Variants in ANO7 observed in about 807,000 individuals in gnomAD.
ANO7 encodes the protein anoctamin 7.
In ANO7, 114 loss-of-function variants were observed where a neutral mutation model predicts 115.8. That is an observed-to-expected ratio of 0.98 (90% CI 0.85 to 1.15). ANO7 has a LOEUF of 1.15. ANO7 is among the 50% of genes most tolerant of loss of function. The pLI is 0.00. For synonymous variants in ANO7, 550 were observed against 498.2 expected, an observed-to-expected ratio of 1.10 and a Z score of -1.38; for missense variants, 1,302 against 1,201.2, an observed-to-expected ratio of 1.08 and a Z score of -1.24.
At chr2:241,196,315 T>A in intron 4 of ANO7, 1 of 416,548 alleles carries the variant, frequency 2.4e-6, no homozygotes, top group Non-Finnish European at 3.3e-6. Context: ...GAACTAGGCG[T>A]GAGGATGCTG....
At chr2:241,216,677 CACCTT>C (rs768322588) in intron 19 of ANO7, among the ~76,000 whole-genome samples, 67 of 152,348 alleles carry the variant, frequency 4.4e-4, no homozygotes, top group Admixed American at 1.2e-3. Context: ...CTACCACTGT[CACCTT>C]ACCAGGTGGT....
In ANO7 at chr2:241,188,825, G is replaced by A. The variant is rs1032434734; in HGVS notation, c.-8+59G>A. 1 of 1,572,800 alleles carries A rather than the reference G, an allele frequency of 6.4e-7. No homozygotes were observed. The highest frequency in any genetic ancestry group is 1.4e-5 in the African/African-American group (1 of 73,840). ...GAGAAGGTGGAGCGTTGGACTCTAG[G>A]GAGGCAGGGCGGCACCCCAGCCCAC... On this transcript the variant is annotated intron_variant, in intron 1 of 24. Transcript: ENST00000674324. This position sits in a 1 kb window ranked among gnomAD's most constrained non-coding sequence, Gnocchi z 4.3.
chr2:241,223,518 C>G, intron 22 of ANO7, 144 bp from the exon 23 acceptor site: 1 of 1,339,400 alleles, frequency 7.5e-7, no homozygotes, highest in Non-Finnish European at 1.0e-6. Flanking sequence ...GTGGCCTCTG[C>G]CCCTTCTGGG....
chr2:241,207,743 C>G, intron 11 of ANO7, 73 bp downstream of exon 11: 1 of 1,341,976 alleles, frequency 7.5e-7, no homozygotes, highest in Non-Finnish European at 1.1e-6. Context: ...TTGTCCTGGT[C>G]CTGACTCTGC....
rs1444363457 is a variant in ANO7, at chr2:241,223,903, A to G, written c.2533-2A>G. The G allele has an allele frequency of 6.2e-6, 10 of 1,613,688 alleles. No individual in the cohort carries two copies. The highest frequency in any genetic ancestry group is 4.2e-6 in the Non-Finnish European group (5 of 1,179,972). ...CCTCTTGCTGCCCTTTTTTGGGGAC[A>G]GGTTCTTTTTGGAACGAACGGAACA... On this transcript the variant is annotated splice_acceptor_variant, in intron 23 of 24. Transcript: ENST00000674324. LOFTEE classifies it high-confidence loss of function.
chr2:241,191,283 G>A (rs377248642), intron 3 of ANO7, 32 bp downstream of exon 3: 15 of 1,611,498 alleles, frequency 9.3e-6, no homozygotes, highest in Admixed American at 5.0e-5. Context: ...TACCACACCC[G>A]TGTTGGTCCT....
chr2:241,229,444 A>G (rs1037053111), downstream of ANO7: 4 of 602,604 alleles, frequency 6.6e-6, no homozygotes, highest in South Asian at 3.9e-5. Flanking sequence ...GAGCGGCCGC[A>G]CACACAGCCA....
chr2:241,210,154 G>GA, intron 13 of ANO7, 141 bp from the exon 14 acceptor site: 1 of 775,512 alleles, frequency 1.3e-6, no homozygotes, highest in Non-Finnish European at 2.2e-6. Context: ...AGCACAGCCG[G>GA]GGCTGGAGGC....
downstream of ANO7, chr2:241,230,751 C>T (rs202062037): frequency 2.4e-5 from 38 of 1,612,924 alleles, no homozygotes; most frequent in Middle Eastern, 3.3e-4. This position sits in a 1 kb window ranked among gnomAD's most constrained non-coding sequence, Gnocchi z 5.0. Context: ...TGCTTCCAGC[C>T]GGCTCACCTT....
At chr2:241,200,269 G>A (rs758244666) in intron 6 of ANO7, 44 bp downstream of exon 6, 2 of 1,588,708 alleles carry the variant, frequency 1.3e-6, no homozygotes, top group African/African-American at 1.3e-5. Context: ...ACAGGAGTGA[G>A]TGGGAGTCGG....
chr2:241,212,568 C>CT lies in ANO7; in HGVS notation c.1674-3dup. 1 of 1,612,840 alleles carries CT rather than the reference C, an allele frequency of 6.2e-7. No individual in the cohort carries two copies. The highest frequency in any genetic ancestry group is 1.1e-5 in the South Asian group (1 of 90,624). Reference sequence around the variant, plus strand: ...CAAGGCTCATGATCTTGACTTTCTCCTAGGTTTGTGGGATACCCAGGCAAC... The same window carrying CT: ...CAAGGCTCATGATCTTGACTTTCTCCTTAGGTTTGTGGGATACCCAGGCAAC... On this transcript the variant is annotated splice_region_variant and splice_polypyrimidine_tract_variant and intron_variant, in intron 16 of 24. Coordinates refer to ENST00000674324, the MANE Select transcript of ANO7 (RefSeq NM_001370694.2).
intron 11 of ANO7, 120 bp downstream of exon 11, chr2:241,207,790 G>T: frequency 3.4e-6 from 3 of 890,354 alleles, no homozygotes; most frequent in Non-Finnish European, 3.6e-6. Context: ...ACCAGCTAAA[G>T]GCAGAACGCT....
chr2:241,224,890 G>C lies in ANO7; in HGVS notation c.*737G>C, dbSNP rs890768887. On this transcript the variant is annotated 3_prime_UTR_variant, in exon 25 of 25. Coordinates refer to ENST00000674324, the MANE Select transcript of ANO7 (RefSeq NM_001370694.2). ...CTCCCAGCTCCTGGCCCCTGGCCCA[G>C]GGCCCCTCTTGCTGTTTTTACCTCT... 5 of 152,442 alleles carry C rather than the reference G, an allele frequency of 3.3e-5. No individual in the cohort carries two copies. Among genetic ancestry groups the C allele is most frequent in the African/African-American group, 9.6e-5 (4 of 41,582 alleles). The allele number at this position is 152,442 out of a possible 1,614,324, so 9.4% of individuals were successfully genotyped here.
In ANO7 at chr2:241,216,084, C is replaced by T. The variant is rs755612943; in HGVS notation, c.1827-9C>T. Reference sequence around the variant, plus strand: ...ATCAAAGGCCATTTTCCTGTATTCCCGTCCCCAGGAAGCTAAAGGGCTGGT... The same window carrying T: ...ATCAAAGGCCATTTTCCTGTATTCCTGTCCCCAGGAAGCTAAAGGGCTGGT... On this transcript the variant is annotated splice_polypyrimidine_tract_variant and intron_variant, in intron 18 of 24. Coordinates refer to ENST00000674324, the MANE Select transcript of ANO7 (RefSeq NM_001370694.2). The T allele has an allele frequency of 1.8e-5, 28 of 1,598,600 alleles. No homozygotes were observed. The highest frequency in any genetic ancestry group is 2.1e-5 in the Non-Finnish European group (25 of 1,174,388).
At chr2:241,217,508 A>AGGAGAGGCGGCCC in intron 19 of ANO7, 178 bp from the exon 20 acceptor site, 1 of 685,870 alleles carries the variant, frequency 1.5e-6, no homozygotes, top group Non-Finnish European at 2.4e-6. Flanking sequence ...GAGGCCGGTC[A>AGGAGAGGCGGCCC]GGAGAGGCGG....
Position 241,195,710 on chromosome 2 carries a change from C to T in ANO7, c.174C>T (p.Phe58=), listed in dbSNP as rs142015306. The T allele has an allele frequency of 1.1e-4, 177 of 1,613,954 alleles. No homozygotes were observed. The highest frequency in any genetic ancestry group is 3.7e-4 in the Admixed American group (22 of 59,998). Residue 58 remains phenylalanine (F), a synonymous_variant, in exon 4 of 25, where the codon TTC becomes TTT. Coordinates refer to ENST00000674324, the MANE Select transcript of ANO7 (RefSeq NM_001370694.2). The part of the protein sequence containing the change: ...GSPAKPRIAD[F]VLVWEEDLKL... ...GTCCCTGTTGGCTCCCAGCAGACTT[C>T]GTCCTCGTTTGGGAGGAGGACCTGA...
At chr2:241,210,260 C>G (rs201355514) in intron 13 of ANO7, 35 bp from the exon 14 acceptor site, 1 of 1,607,872 alleles carries the variant, frequency 6.2e-7, no homozygotes, top group East Asian at 2.2e-5. Flanking sequence ...CCCAAGACAC[C>G]GTGAAGGGTC....
chr2:241,219,351 A>C (rs1460783225), intron 21 of ANO7, among the ~76,000 whole-genome samples: 1 of 152,164 alleles, frequency 6.6e-6, no homozygotes, highest in Non-Finnish European at 1.5e-5. Context: ...TGAGCTTTTT[A>C]GTTGTGTACG....
At chr2:241,231,113 G>C in the ANO7 span, 2 of 613,670 alleles carry the variant, frequency 3.3e-6, no homozygotes, top group African/African-American at 3.7e-5. Context: ...GGCCGGGCAC[G>C]GTGGCTCACG....
Sources: allele counts gnomAD v4.1 joint callset (sites outside exome capture counted in the v4.1 genomes callset), GRCh38; gene constraint gnomAD v4.1.1; non-coding constraint Gnocchi (gnomAD v3.1); transcripts MANE v1.5; gene names NCBI Gene and HGNC (gene_info 2026-07-23, HGNC 2026-07-21).